Variants in PRPF3 observed in about 807,000 individuals in gnomAD.
The protein encoded by PRPF3 is U4/U6 small nuclear ribonucleoprotein Prp3.
In PRPF3, 3 loss-of-function variants were observed where a neutral mutation model predicts 89.2. That is an observed-to-expected ratio of 0.03 (90% CI 0.02 to 0.09). The LOEUF (loss-of-function observed/expected upper bound fraction) is 0.09, where lower values mean the gene tolerates loss of function less well. Among genes scored for constraint, PRPF3 ranks in the 10% least tolerant of loss-of-function variants. The probability of loss-of-function intolerance (pLI) is 1.00; values close to 1 mark genes in which losing one functional copy is unlikely to be tolerated. For missense variants in PRPF3, 463 were observed against 828.8 expected (o/e 0.56, Z 5.42); for synonymous variants, 270 against 289.1 (o/e 0.93, Z 0.67).
intron 7 of PRPF3, among the ~76,000 whole-genome samples, chr1:150,335,779 C>CGGGGAG (rs1656918074): frequency 1.4e-5 from 1 of 69,642 alleles, no homozygotes; most frequent in Non-Finnish European, 2.8e-5. Context: ...TTTTTTTGGG[C>CGGGGAG]GGGGAGGGGG....
chr1:150,326,000 G>C lies in PRPF3; in HGVS notation c.276+119G>C, dbSNP rs1553863677. On this transcript the variant is annotated intron_variant, in intron 3 of 15. Coordinates refer to ENST00000324862, the MANE Select transcript of PRPF3 (RefSeq NM_004698.4). ...TTAGAGCAGCAAATGTTCAAGAGAG[G>C]TACTTAGACATTAGAGTAGGAGAGA... 6 of 1,286,652 alleles carry C rather than the reference G, an allele frequency of 4.7e-6. No homozygotes were observed. The African/African-American group carries it at 8.8e-5, about 19-fold the overall frequency. The allele number at this position is 1,286,652 out of a possible 1,614,324, so 79.7% of individuals were successfully genotyped here.
At chr1:150,341,318 A>T (rs587602447) in intron 9 of PRPF3, among the ~76,000 whole-genome samples, 71 of 151,504 alleles carry the variant, frequency 4.7e-4, no homozygotes, top group African/African-American at 1.7e-3. Context: ...GATATGCTCC[A>T]CTACCCACTG....
At chr1:150,339,685 G>C (rs1303304173) in intron 8 of PRPF3, among the ~76,000 whole-genome samples, 1 of 147,474 alleles carries the variant, frequency 6.8e-6, no homozygotes, top group East Asian at 2.0e-4. Flanking sequence ...TGATCCACCC[G>C]CCTCAGCCTC....
At chr1:150,335,771 T>TTC (rs1431358482) in intron 7 of PRPF3, among the ~76,000 whole-genome samples, 2 of 145,154 alleles carry the variant, frequency 1.4e-5, no homozygotes, top group Admixed American at 1.4e-4. Flanking sequence ...GCCTTTTTTT[T>TTC]TTTTGGGCGG....
chr1:150,345,542 G>A, intron 12 of PRPF3: 1 of 186,344 alleles, frequency 5.4e-6, no homozygotes, highest in Non-Finnish European at 1.1e-5. Context: ...GTAGAGATGG[G>A]GTTTCACCAT....
rs191729643 is a variant in PRPF3 at position 150,342,407 on chromosome 1, T to C, written c.1283-902T>C. Reference sequence around the variant, plus strand: ...CAAAAGGAAAGATAAGAATGTTTTTTAAAAACATAGCCATATTGCCGGGCA... The same window carrying C: ...CAAAAGGAAAGATAAGAATGTTTTTCAAAAACATAGCCATATTGCCGGGCA... On this transcript the variant is annotated intron_variant, in intron 9 of 15. Coordinates refer to ENST00000324862, the MANE Select transcript of PRPF3 (RefSeq NM_004698.4). Among the ~76,000 whole-genome samples, 84 of 152,246 alleles carry C rather than the reference T, an allele frequency of 5.5e-4. 1 individual carries two copies. The highest frequency in any genetic ancestry group is 1.9e-3 in the African/African-American group (81 of 41,560).
chr1:150,351,439 A>G (rs183230076), intron 15 of PRPF3, among the ~76,000 whole-genome samples: 8 of 152,254 alleles, frequency 5.3e-5, no homozygotes, highest in Non-Finnish European at 1.0e-4. Context: ...TTAGATGATA[A>G]TAACCATAGT....
At chr1:150,343,553 C>G (rs1657999222) in intron 10 of PRPF3, 101 bp downstream of exon 10, 1 of 1,475,304 alleles carries the variant, frequency 6.8e-7, no homozygotes, top group Non-Finnish European at 9.3e-7. Flanking sequence ...ATTTCTGTTT[C>G]TAAGAATTAT....
intron 1 of PRPF3, among the ~76,000 whole-genome samples, chr1:150,324,587 G>A (rs1162741408): frequency 7.2e-6 from 1 of 138,382 alleles, no homozygotes; most frequent in Non-Finnish European, 1.5e-5. Flanking sequence ...GTCTTGCTTT[G>A]TCGCCCAGGC....
chr1:150,348,824 T>C, intron 14 of PRPF3: 1 of 327,308 alleles, frequency 3.1e-6, no homozygotes, highest in Non-Finnish European at 5.8e-6. Flanking sequence ...TTGAGAGTAA[T>C]ATATGATGTT....
In PRPF3 at chr1:150,332,731, A is replaced by G. The variant is rs781799639; in HGVS notation, c.471A>G (p.Lys157=). The part of the protein sequence containing the change: ...EAATRQIEER[K]KQLSFISPPT... Reference sequence around the variant, plus strand: ...CAACACGACAAATCGAGGAGAGGAAAAAACAGCTGAGCTTCATTAGCCCCC... The same window carrying G: ...CAACACGACAAATCGAGGAGAGGAAGAAACAGCTGAGCTTCATTAGCCCCC... Residue 157 remains lysine (K), a synonymous_variant, in exon 5 of 16, where the codon AAA becomes AAG. Coordinates refer to ENST00000324862, the MANE Select transcript of PRPF3 (RefSeq NM_004698.4). The G allele has an allele frequency of 1.9e-6, 3 of 1,614,168 alleles. No individual in the cohort carries two copies. The highest frequency in any genetic ancestry group is 3.3e-5 in the Admixed American group (2 of 59,994).
chr1:150,344,605 G>A lies in PRPF3; in HGVS notation c.1640+58G>A, dbSNP rs1035887995. 9 of 1,562,146 alleles carry A rather than the reference G, an allele frequency of 5.8e-6. No homozygotes were observed. The Admixed American group carries it at 1.2e-4, about 21-fold the overall frequency. On this transcript the variant is annotated intron_variant, in intron 12 of 15. Coordinates refer to ENST00000324862, the MANE Select transcript of PRPF3 (RefSeq NM_004698.4). Reference sequence around the variant, plus strand: ...AGAATTACTAAAACATTTTCCAAGTGCTTGAGGCAGAATCATTGTGGCCTA... The same window carrying A: ...AGAATTACTAAAACATTTTCCAAGTACTTGAGGCAGAATCATTGTGGCCTA...
At chr1:150,323,907 GCTGGGATTACAGGCGC>G (rs1655400323) in intron 1 of PRPF3, among the ~76,000 whole-genome samples, 1 of 151,062 alleles carries the variant, frequency 6.6e-6, no homozygotes, top group African/African-American at 2.4e-5. Context: ...CTCCCGAGTA[GCTGGGATTACAGGCGC>G]CTGCCACCAT....
intron 9 of PRPF3, 62 bp downstream of exon 9, chr1:150,340,539 G>A (rs1220492460): frequency 8.0e-6 from 10 of 1,249,252 alleles, no homozygotes; most frequent in Non-Finnish European, 1.2e-5. Flanking sequence ...AATTTATACA[G>A]TGAGGAACAT....
intron 3 of PRPF3, 103 bp from the exon 4 acceptor site, chr1:150,328,217 T>A: frequency 1.4e-6 from 2 of 1,421,568 alleles, no homozygotes; most frequent in East Asian, 2.3e-5. Context: ...TTGTGTCATA[T>A]TCCCCTGGGA....
rs1553874755 is a variant in PRPF3, at chr1:150,352,940, C to T, written c.2013C>T (p.Asp671=). 1.9e-6 allele frequency: 3 copies of T among 1,614,076 alleles called. No individual in the cohort carries two copies. Among genetic ancestry groups the T allele is most frequent in the Admixed American group, 3.3e-5 (2 of 60,000 alleles). ...AGCATGGGGCTGAACACTACTGGGA[C>T]CTTGCGCTGAGTGAATCTGTGTTAG... ...FKKHGAEHYW[D]LALSESVLES... is the part of the protein sequence containing the mutation. The change falls in exon 16 of 16, where the codon GAC becomes GAT. Residue 671 remains aspartate, a synonymous_variant. Transcript: ENST00000324862.
rs1387274722 is a variant in PRPF3, at chr1:150,336,010, T to C, written c.1035+769T>C. Among the ~76,000 whole-genome samples, 6 of 152,238 alleles carry C rather than the reference T, an allele frequency of 3.9e-5. No homozygotes were observed. In the East Asian group the frequency reaches 9.7e-4, roughly 24 times the overall value. The stretch of plus-strand genomic sequence containing the variant: ...GTCTTAAACTCCTGACCTTGTGATC[T>C]GCCTGCCTTGACCTCCCAAAGTGCT... On this transcript the variant is annotated intron_variant, in intron 7 of 15. Coordinates refer to ENST00000324862, the MANE Select transcript of PRPF3 (RefSeq NM_004698.4).
Position 150,337,040 on chromosome 1 carries a change from C to CTTTTTTT in PRPF3, c.1036-1110_1036-1104dup, listed in dbSNP as rs35026026. Among the ~76,000 whole-genome samples, 20 of 121,254 alleles carry CTTTTTTT rather than the reference C, an allele frequency of 1.6e-4. 2 individuals are homozygous for CTTTTTTT. Among genetic ancestry groups the CTTTTTTT allele is most frequent in the Non-Finnish European group, 1.8e-4 (11 of 61,348 alleles). The allele number at this position is 121,254 out of a possible 152,430, so 79.5% of individuals were successfully genotyped here. Reference sequence around the variant, plus strand: ...TCAAAGTGAGGTTTTCATAAAATTCCTTTTTTTTTTTTTTTTGAGACGGAG... The same window carrying CTTTTTTT: ...TCAAAGTGAGGTTTTCATAAAATTCCTTTTTTTTTTTTTTTTTTTTTTTGAGACGGAG... On this transcript the variant is annotated intron_variant, in intron 7 of 15. Transcript: ENST00000324862.
At position 150,335,067 on chromosome 1, in the gene PRPF3, T is replaced by C. The variant is rs782226725; in HGVS notation, c.861T>C (p.Ala287=). The C allele has an allele frequency of 1.1e-5, 18 of 1,614,062 alleles. No individual in the cohort carries two copies. In the Admixed American group the frequency reaches 2.5e-4, roughly 22 times the overall value. Residue 287 remains alanine, a synonymous_variant, in exon 7 of 16, where the codon GCT becomes GCC. Coordinates refer to ENST00000324862, the MANE Select transcript of PRPF3 (RefSeq NM_004698.4). ...RMPTLKANIR[A]VKREQFKQQL... is the part of the protein sequence containing the mutation. ...CTACTCTGAAAGCCAATATTCGTGCTGTGAAGAGGGAACAATTCAAGCAAC... is the reference window on the plus strand; with the variant it reads ...CTACTCTGAAAGCCAATATTCGTGCCGTGAAGAGGGAACAATTCAAGCAAC...
Sources: allele counts gnomAD v4.1 joint callset (sites outside exome capture counted in the v4.1 genomes callset), GRCh38; gene constraint gnomAD v4.1.1; transcripts MANE v1.5; gene names NCBI Gene and HGNC (gene_info 2026-07-23, HGNC 2026-07-21).